Variants in USP45 observed in about 807,000 individuals in gnomAD.
The protein encoded by USP45 is ubiquitin carboxyl-terminal hydrolase 45.
USP45 carries 89 observed loss-of-function variants against 95.8 expected under a neutral mutation model. The observed-to-expected ratio is 0.93, with a 90% CI of 0.78 to 1.11. The LOEUF (loss-of-function observed/expected upper bound fraction) is 1.11, where lower values mean the gene tolerates loss of function less well. Ranked by LOEUF, USP45 falls within the 50% of genes least tolerant of loss-of-function variation. The pLI is 0.00. For missense variants in USP45, 898 were observed against 942.5 expected, an observed-to-expected ratio of 0.95 and a Z score of 0.62; for synonymous variants, 281 against 316.2, an observed-to-expected ratio of 0.89 and a Z score of 1.18.
intron 7 of USP45, among the ~76,000 whole-genome samples, chr6:99,485,175 C>CA (rs1190400783): frequency 0.17 from 14,717 of 88,642 alleles, 1,117 homozygotes; most frequent in African/African-American, 0.23. Context: ...ACTAAAAATA[C>CA]AAAAAAAAAA....
Position 99,433,998 on chromosome 6 carries a change from CATG to C in USP45, c.*1715_*1717del, listed in dbSNP as rs1780092953. On this transcript the variant is annotated 3_prime_UTR_variant, in exon 18 of 18. Transcript: ENST00000500704. ...TTCACTGCTCTGGTACTGAGATCTCCATGATAACAGATTACAGTTAAACAGAAA... is the reference window on the plus strand; with the variant it reads ...TTCACTGCTCTGGTACTGAGATCTCCATAACAGATTACAGTTAAACAGAAA... The C allele has an allele frequency of 6.6e-6, 1 of 152,120 alleles. No homozygotes were observed. Among genetic ancestry groups the C allele is most frequent in the South Asian group, 2.1e-4 (1 of 4,834 alleles). 9.4% of individuals were successfully genotyped at this position (152,120 alleles called of 1,614,324 possible).
In USP45 at chr6:99,434,778, G is replaced by A. The variant is rs941768233; in HGVS notation, c.*938C>T. The A allele has an allele frequency of 6.6e-6, 1 of 152,024 alleles. No homozygotes were observed. The highest frequency in any genetic ancestry group is 2.4e-5 in the African/African-American group (1 of 41,392). 9.4% of individuals were successfully genotyped at this position (152,024 alleles called of 1,614,324 possible). A position where few individuals can be genotyped will look rare whatever the true frequency, so the allele number is the denominator to read the frequency against. On this transcript the variant is annotated 3_prime_UTR_variant, in exon 18 of 18. Coordinates refer to ENST00000500704, the MANE Select transcript of USP45 (RefSeq NM_001346022.3). ...CTCTATCATTTACAAATATAATTTG[G>A]TAATTTATATTTCAAAGCTATCCTA...
intron 1 of USP45, among the ~76,000 whole-genome samples, chr6:99,512,333 T>C (rs942396198): frequency 2.6e-5 from 4 of 151,988 alleles, no homozygotes; most frequent in African/African-American, 9.7e-5. Flanking sequence ...CTGAAGCCAC[T>C]GCTGGGGGCC....
chr6:99,448,756 A>T (rs1228413347), intron 13 of USP45, among the ~76,000 whole-genome samples: 2 of 152,214 alleles, frequency 1.3e-5, no homozygotes, highest in Admixed American at 1.3e-4. Context: ...GAAGGAAAAA[A>T]TGTTAAGGGC....
At chr6:99,496,462 A>G (rs1796322436) in intron 5 of USP45, among the ~76,000 whole-genome samples, 1 of 152,088 alleles carries the variant, frequency 6.6e-6, no homozygotes, top group Admixed American at 6.6e-5. Flanking sequence ...ATTCATGTCT[A>G]TTGTAAACCA....
intron 8 of USP45, chr6:99,482,527 C>A: frequency 2.5e-6 from 1 of 406,336 alleles, no homozygotes; most frequent in South Asian, 9.3e-5. Flanking sequence ...CTAGGTGAGC[C>A]ATTTAATTTC....
At chr6:99,493,791 G>A (rs558433670) in intron 5 of USP45, among the ~76,000 whole-genome samples, 5 of 152,190 alleles carry the variant, frequency 3.3e-5, no homozygotes, top group Non-Finnish European at 5.9e-5. Context: ...GAGCCACTGC[G>A]CCTGGCCTGT....
At chr6:99,515,148 C>T (rs1800894472) in intron 1 of USP45, 1 of 152,342 alleles carries the variant, frequency 6.6e-6, no homozygotes, top group South Asian at 2.1e-4. Context: ...TCGGGCCCCT[C>T]CCAGGCCAGC....
At chr6:99,463,238 T>A (rs1786980131) in intron 13 of USP45, among the ~76,000 whole-genome samples, 1 of 152,110 alleles carries the variant, frequency 6.6e-6, no homozygotes, top group Non-Finnish European at 1.5e-5. Flanking sequence ...ACCAGGTATG[T>A]CCCTAGTAAA....
chr6:99,494,627 G>A (rs1013061539), intron 5 of USP45, among the ~76,000 whole-genome samples: 5 of 152,136 alleles, frequency 3.3e-5, no homozygotes, highest in Non-Finnish European at 7.4e-5. Context: ...GGGTGTGATG[G>A]CTCATGCCTG....
chr6:99,466,505 C>A (rs1040328837), intron 11 of USP45, among the ~76,000 whole-genome samples, 167 bp downstream of exon 11: 12 of 152,176 alleles, frequency 7.9e-5, no homozygotes, highest in Admixed American at 4.6e-4. Context: ...TAAATTATCA[C>A]ATTTACTTTC....
intron 14 of USP45, 109 bp downstream of exon 14, chr6:99,445,688 A>T: frequency 1.2e-6 from 1 of 808,798 alleles, no homozygotes; most frequent in Non-Finnish European, 1.9e-6. Context: ...ATCTCTGCCT[A>T]AGTAACACAA....
At position 99,445,916 on chromosome 6, in the gene USP45, G is replaced by T. The variant is rs1782451259; in HGVS notation, c.1856C>A (p.Ser619Ter). Residue 619 changes from serine to a stop codon, truncating the protein, a stop_gained, in exon 14 of 18, where the codon TCA (serine) becomes TAA (stop). Transcript: ENST00000500704. LOFTEE classifies it high-confidence loss of function. Reference protein sequence around the residue: ...QSYITTSKECSIQSCLYQFTS... With the variant: ...QSYITTSKEC Reference sequence around the variant, plus strand: ...AAACTGGTAGAGACAGGACTGAATTGAACATTCTTTAGAAGTAGTTATATA... The same window carrying T: ...AAACTGGTAGAGACAGGACTGAATTTAACATTCTTTAGAAGTAGTTATATA... 1.9e-6 allele frequency: 3 copies of T among 1,613,960 alleles called. No homozygotes were observed. Among genetic ancestry groups the T allele is most frequent in the Non-Finnish European group, 2.5e-6 (3 of 1,179,982 alleles).
intron 5 of USP45, among the ~76,000 whole-genome samples, chr6:99,503,049 C>T (rs1797735551): frequency 6.6e-6 from 1 of 152,146 alleles, no homozygotes; most frequent in Admixed American, 6.5e-5. Context: ...AATACAGGTA[C>T]TATGCAAGTA....
chr6:99,485,930 C>T (rs146431925), intron 7 of USP45, among the ~76,000 whole-genome samples: 198 of 152,248 alleles, frequency 1.3e-3, no homozygotes, highest in African/African-American at 4.4e-3. Context: ...CAAAATTCAA[C>T]ATCCATTCCG....
At chr6:99,473,237 A>G (rs561756245) in intron 9 of USP45, among the ~76,000 whole-genome samples, 2 of 152,246 alleles carry the variant, frequency 1.3e-5, no homozygotes, top group Non-Finnish European at 2.9e-5. Context: ...CATACAACTC[A>G]TTCAAAAAAC....
intron 1 of USP45, among the ~76,000 whole-genome samples, chr6:99,512,008 A>T (rs544647309): frequency 5.9e-5 from 9 of 151,958 alleles, no homozygotes; most frequent in South Asian, 2.1e-4. Context: ...TATCTAAGAA[A>T]ATTAATAATT....
At chr6:99,484,004 GTTTTTTTT>G (rs773687208) in intron 7 of USP45, among the ~76,000 whole-genome samples, 6 of 91,464 alleles carry the variant, frequency 6.6e-5, no homozygotes, top group Admixed American at 3.0e-4. Context: ...ATTTTCCATA[GTTTTTTTT>G]TTTTTTTTTT....
chr6:99,492,260 T>C (rs1291214582), intron 5 of USP45, among the ~76,000 whole-genome samples: 1 of 152,234 alleles, frequency 6.6e-6, no homozygotes, highest in African/African-American at 2.4e-5. Context: ...CACGCTTCAC[T>C]GTGTGATGCT....
Sources: allele counts gnomAD v4.1 joint callset (sites outside exome capture counted in the v4.1 genomes callset), GRCh38; gene constraint gnomAD v4.1.1; transcripts MANE v1.5; gene names NCBI Gene and HGNC (gene_info 2026-07-23, HGNC 2026-07-21).